The following MAGI2 variants were observed in gnomAD, a reference collection of about 807,000 sequenced individuals.
The protein encoded by MAGI2 is membrane associated guanylate kinase, WW and PDZ domain containing 2.
A neutral mutation model predicts 133.3 loss-of-function variants in MAGI2; 35 were observed. That is an observed-to-expected ratio of 0.26 (90% CI 0.20 to 0.35). The LOEUF is 0.35. Ranked by LOEUF, MAGI2 falls within the 10% of genes least tolerant of loss-of-function variation. The pLI, the probability that MAGI2 is intolerant of heterozygous loss-of-function variation, is 1.00. For missense variants in MAGI2, 1,636 were observed against 1,863.4 expected (o/e 0.88, Z 2.25); for synonymous variants, 729 against 710.6 (o/e 1.03, Z -0.41).
intron 6 of MAGI2, among the ~76,000 whole-genome samples, chr7:78,455,627 C>T (rs1320546151): frequency 6.6e-6 from 1 of 152,016 alleles, no homozygotes; most frequent in African/African-American, 2.4e-5. Context: ...AGCACATTAC[C>T]TGGCCCACAG....
At chr7:79,140,688 A>G (rs1822045134) in intron 1 of MAGI2, among the ~76,000 whole-genome samples, 1 of 152,194 alleles carries the variant, frequency 6.6e-6, no homozygotes, top group African/African-American at 2.4e-5. Context: ...AATCAATATT[A>G]TAAAATGTTA....
intron 2 of MAGI2, among the ~76,000 whole-genome samples, chr7:78,842,006 C>G (rs774866525): frequency 8.6e-5 from 13 of 151,902 alleles, no homozygotes; most frequent in Admixed American, 7.2e-4. Flanking sequence ...GATGAGCATA[C>G]GGCATATCAT....
Position 78,732,520 on chromosome 7 carries a change from C to G in MAGI2, c.419-105281G>C, listed in dbSNP as rs74506993. On this transcript the variant is annotated intron_variant, in intron 2 of 21. Coordinates refer to ENST00000354212, the MANE Select transcript of MAGI2 (RefSeq NM_012301.4). The stretch of plus-strand genomic sequence containing the variant: ...ATCTGCAATTTACTTTGAAATGCAC[C>G]AGAAATAGGATGGATTGAAAGAAGA... Among the ~76,000 whole-genome samples the G allele has an allele frequency of 5.7e-4, 87 of 152,004 alleles. 1 individual carries two copies. The East Asian group carries it at 8.7e-3, about 15-fold the overall frequency.
At chr7:78,536,727 A>T (rs10276537) in intron 3 of MAGI2, among the ~76,000 whole-genome samples, 14,109 of 148,730 alleles carry the variant, frequency 0.095, 1,569 homozygotes, top group East Asian at 0.39. Flanking sequence ...TTTTTAAAAA[A>T]TTTCAATAGT....
At chr7:78,994,734 T>A (rs1389075215) in intron 2 of MAGI2, among the ~76,000 whole-genome samples, 2 of 152,078 alleles carry the variant, frequency 1.3e-5, no homozygotes, top group African/African-American at 4.8e-5. Context: ...AGTTTCCTGG[T>A]CTGAAAAATG....
intron 10 of MAGI2, among the ~76,000 whole-genome samples, chr7:78,235,373 CTGTT>C (rs1290713906): frequency 5.9e-5 from 9 of 152,140 alleles, no homozygotes; most frequent in South Asian, 2.1e-4. Context: ...AGTAAACAAA[CTGTT>C]TGATGTGGTT....
At chr7:78,562,938 T>A (rs1383752597) in intron 3 of MAGI2, among the ~76,000 whole-genome samples, 1 of 152,102 alleles carries the variant, frequency 6.6e-6, no homozygotes, top group Non-Finnish European at 1.5e-5. Flanking sequence ...TAATTATGTA[T>A]GAAAATACAT....
At chr7:79,257,343 T>C (rs1393416549) in intron 1 of MAGI2, among the ~76,000 whole-genome samples, 1 of 152,300 alleles carries the variant, frequency 6.6e-6, no homozygotes, top group African/African-American at 2.4e-5. Context: ...CTGAGTGATA[T>C]TACTTTAACA....
intron 7 of MAGI2, among the ~76,000 whole-genome samples, chr7:78,354,892 A>T (rs1240083810): frequency 6.6e-6 from 1 of 152,182 alleles, no homozygotes; most frequent in Non-Finnish European, 1.5e-5. Context: ...AGGAGTGAGC[A>T]GGAGGCTACA....
chr7:79,419,783 T>G (rs1188213388), intron 1 of MAGI2, among the ~76,000 whole-genome samples: 1 of 152,076 alleles, frequency 6.6e-6, no homozygotes, highest in Non-Finnish European at 1.5e-5. Context: ...AAGTAGCAAA[T>G]GCAAAACTTT....
In MAGI2 at chr7:79,360,596, G is replaced by A. The variant is rs1842319586; in HGVS notation, c.301+92424C>T. The stretch of plus-strand genomic sequence containing the variant: ...AAGCGGGGTAGGAAAAGGAACCTAA[G>A]TGGAAGTGAAGTTTCCACACTTCAC... On this transcript the variant is annotated intron_variant, in intron 1 of 21. Transcript: ENST00000354212. Among the ~76,000 whole-genome samples, 3 of 152,002 alleles carry A rather than the reference G, an allele frequency of 2.0e-5. No individual in the cohort carries two copies. In the South Asian group the frequency reaches 6.2e-4, roughly 31 times the overall value.
chr7:78,824,807 G>T (rs1389384716), intron 2 of MAGI2, among the ~76,000 whole-genome samples: 1 of 152,096 alleles, frequency 6.6e-6, no homozygotes, highest in Admixed American at 6.5e-5. Context: ...ACAAAGACTT[G>T]GAACCAACCC....
Position 78,968,020 on chromosome 7 carries a change from G to A in MAGI2, c.418+39070C>T, listed in dbSNP as rs1435779216. Among the ~76,000 whole-genome samples the A allele has an allele frequency of 2.6e-5, 4 of 151,974 alleles. No individual in the cohort carries two copies. The South Asian group carries it at 6.2e-4, about 24-fold the overall frequency. On this transcript the variant is annotated intron_variant, in intron 2 of 21. Coordinates refer to ENST00000354212, the MANE Select transcript of MAGI2 (RefSeq NM_012301.4). Reference sequence around the variant, plus strand: ...TAATTTTTGTATTTTTAGTACAGAAGGGGTTTCACCATGTTGGCCAGGCTG... The same window carrying A: ...TAATTTTTGTATTTTTAGTACAGAAAGGGTTTCACCATGTTGGCCAGGCTG...
At chr7:78,711,312 GTAA>G (rs1231659771) in intron 2 of MAGI2, among the ~76,000 whole-genome samples, 1 of 152,078 alleles carries the variant, frequency 6.6e-6, no homozygotes, top group Non-Finnish European at 1.5e-5. Flanking sequence ...ATATATAATA[GTAA>G]TAATAAGGTA....
intron 3 of MAGI2, chr7:78,621,242 T>A (rs149705851): frequency 6.6e-6 from 1 of 151,932 alleles, no homozygotes; most frequent in African/African-American, 2.4e-5. Context: ...AAGGGAATTA[T>A]CTGCATTCAT....
At chr7:79,157,723 G>T (rs536078556) in intron 1 of MAGI2, among the ~76,000 whole-genome samples, 48 of 152,066 alleles carry the variant, frequency 3.2e-4, no homozygotes, top group Admixed American at 2.0e-3. Flanking sequence ...TTAAGGTAAA[G>T]AGCCCTAAGT....
intron 3 of MAGI2, among the ~76,000 whole-genome samples, chr7:78,583,910 G>A (rs1032386581): frequency 6.6e-6 from 1 of 152,152 alleles, no homozygotes; most frequent in African/African-American, 2.4e-5. Flanking sequence ...GCCAAATGGA[G>A]ACAATTTCAC....
At chr7:79,007,936 G>A (rs993163476) in intron 1 of MAGI2, among the ~76,000 whole-genome samples, 4 of 151,630 alleles carry the variant, frequency 2.6e-5, no homozygotes, top group Admixed American at 6.6e-5. Flanking sequence ...TTTTGCGACT[G>A]TTTGACCTTA....
At chr7:78,064,442 A>G (rs774937574) in intron 21 of MAGI2, among the ~76,000 whole-genome samples, 1 of 152,064 alleles carries the variant, frequency 6.6e-6, no homozygotes, top group Non-Finnish European at 1.5e-5. Context: ...CTTAATGAAT[A>G]ATGTTGTCTT....
Sources: gnomAD v4.1 joint callset for allele counts (sites outside exome capture counted in the v4.1 genomes callset) on GRCh38, gnomAD v4.1.1 for gene constraint, MANE v1.5 for transcripts, NCBI Gene and HGNC (gene_info 2026-07-23, HGNC 2026-07-21) for gene names.